The following DHX15 variants were observed in gnomAD, a reference collection of about 807,000 sequenced individuals.
DHX15 encodes the protein ATP-dependent RNA helicase DHX15.
A neutral mutation model predicts 94.4 loss-of-function variants in DHX15; 11 were observed. That is an observed-to-expected ratio of 0.12 (90% confidence interval 0.07 to 0.19). The LOEUF (loss-of-function observed/expected upper bound fraction) is 0.19. DHX15 is among the 10% of genes least tolerant of loss of function. DHX15 has a pLI of 1.00. For synonymous variants in DHX15, 338 were observed against 329.9 expected (o/e 1.02, Z -0.27); for missense variants, 304 against 988.5 (o/e 0.31, Z 9.29).
intron 12 of DHX15, 165 bp from the exon 13 acceptor site, chr4:24,529,935 G>C: frequency 1.4e-6 from 1 of 696,340 alleles, no homozygotes; most frequent in Admixed American, 2.9e-5. Flanking sequence ...ACTGCTGCCT[G>C]TGGGCCAAAT....
intron 2 of DHX15, 23 bp from the exon 3 acceptor site, chr4:24,570,870 A>G: frequency 1.9e-6 from 3 of 1,608,314 alleles, no homozygotes; most frequent in Non-Finnish European, 2.6e-6. Context: ...TTCACATTTA[A>G]ATTAATTCTA....
chr4:24,574,714 A>T (rs1455631919), intron 2 of DHX15, among the ~76,000 whole-genome samples: 1 of 152,198 alleles, frequency 6.6e-6, no homozygotes, highest in African/African-American at 2.4e-5. Flanking sequence ...CTCATCTGTA[A>T]AGTGGTGATG....
intron 13 of DHX15, 152 bp from the exon 14 acceptor site, chr4:24,528,193 C>T: frequency 1.7e-6 from 1 of 576,184 alleles, no homozygotes; most frequent in East Asian, 2.8e-5. Flanking sequence ...CTAATCCTTA[C>T]AAATAGCACT....
At chr4:24,583,384 T>A (rs60187487) in intron 1 of DHX15, among the ~76,000 whole-genome samples, 2 of 151,656 alleles carry the variant, frequency 1.3e-5, no homozygotes, top group Non-Finnish European at 2.9e-5. Context: ...TGTTTCGCCA[T>A]AAATACTAAA....
intron 5 of DHX15, among the ~76,000 whole-genome samples, chr4:24,549,620 A>T (rs900612517): frequency 6.6e-6 from 1 of 152,224 alleles, no homozygotes; most frequent in African/African-American, 2.4e-5. Context: ...GAAATTTGTT[A>T]GGCGATTCTG....
rs555984069 is a variant in DHX15, at chr4:24,572,392, T to A, written c.508-1545A>T. On this transcript the variant is annotated intron_variant, in intron 2 of 13. Coordinates refer to ENST00000336812, the MANE Select transcript of DHX15 (RefSeq NM_001358.3). ...CTCAGGTGATGCACCCGCCTCAGCCTTCCAAAGTGCTGGGATTATAGGCGT... is the reference window on the plus strand; with the variant it reads ...CTCAGGTGATGCACCCGCCTCAGCCATCCAAAGTGCTGGGATTATAGGCGT... Among the ~76,000 whole-genome samples, 4 of 152,340 alleles carry A rather than the reference T, an allele frequency of 2.6e-5. No homozygotes were observed. In the South Asian group the frequency reaches 6.2e-4, roughly 24 times the overall value.
chr4:24,539,831 G>T, intron 10 of DHX15: 1 of 237,298 alleles, frequency 4.2e-6, no homozygotes, highest in East Asian at 8.2e-5. Flanking sequence ...TTTAACCAAA[G>T]AATTCAGTTA....
At chr4:24,558,575 CTTAG>C (rs769238128) in intron 3 of DHX15, among the ~76,000 whole-genome samples, 11 of 152,138 alleles carry the variant, frequency 7.2e-5, no homozygotes, top group Admixed American at 4.6e-4. Flanking sequence ...ATTGCAAGTA[CTTAG>C]TTAAATGGCC....
chr4:24,542,814 A>T, intron 7 of DHX15, 126 bp downstream of exon 7: 1 of 662,728 alleles, frequency 1.5e-6, no homozygotes, highest in Non-Finnish European at 2.6e-6. Context: ...TTCATACAGC[A>T]GAAATTTGCA....
chr4:24,579,265 C>G (rs1018566042), intron 1 of DHX15, among the ~76,000 whole-genome samples: 6 of 152,142 alleles, frequency 3.9e-5, no homozygotes, highest in African/African-American at 1.4e-4. Context: ...GAGGCAAATT[C>G]AGACACCTGG....
At chr4:24,565,693 C>T (rs1201762846) in intron 3 of DHX15, among the ~76,000 whole-genome samples, 1 of 152,164 alleles carries the variant, frequency 6.6e-6, no homozygotes, top group Non-Finnish European at 1.5e-5. Flanking sequence ...TATTGAGTCC[C>T]TCTCTAACTG....
At chr4:24,540,024 TA>T in intron 10 of DHX15, 83 bp downstream of exon 10, 1 of 1,062,110 alleles carries the variant, frequency 9.4e-7, no homozygotes, top group Non-Finnish European at 1.3e-6. Context: ...ACTATCATAC[TA>T]AAAATTAAAA....
chr4:24,580,772 C>T (rs977367986), intron 1 of DHX15: 1 of 152,116 alleles, frequency 6.6e-6, no homozygotes, highest in Non-Finnish European at 1.5e-5. Context: ...TTCGCCTAGG[C>T]CTCCCAAAGT....
In DHX15 at chr4:24,547,899, A is replaced by ATG. The variant is rs1294219807; in HGVS notation, c.1248+954_1248+955dup. On this transcript the variant is annotated intron_variant, in intron 6 of 13. Coordinates refer to ENST00000336812, the MANE Select transcript of DHX15 (RefSeq NM_001358.3). ...TCTCTCTCTCTCTCTCTATGTATGT[A>ATG]TGTGTATATATATATATATATATAT... Among the ~76,000 whole-genome samples the ATG allele has an allele frequency of 9.1e-4, 38 of 41,778 alleles. 1 individual carries two copies. Among genetic ancestry groups the ATG allele is most frequent in the African/African-American group, 2.8e-3 (38 of 13,356 alleles). The allele number at this position is 41,778 out of a possible 152,430, so 27.4% of individuals were successfully genotyped here.
At chr4:24,529,568 A>C in intron 13 of DHX15, 33 bp downstream of exon 13, 1 of 1,605,080 alleles carries the variant, frequency 6.2e-7, no homozygotes, top group East Asian at 2.2e-5. Flanking sequence ...CAAAGTACTA[A>C]CAAAAAACTG....
chr4:24,565,080 C>A (rs930449169), intron 3 of DHX15, among the ~76,000 whole-genome samples: 19 of 152,160 alleles, frequency 1.2e-4, no homozygotes, highest in African/African-American at 4.3e-4. Context: ...CAAATTTTCA[C>A]AAGTTTTAAA....
rs1209610053 is a variant in DHX15 at position 24,548,749 on chromosome 4, A to G, written c.1248+106T>C. ...AATGGATATTATTTTGTTGTATAAA[A>G]CCTAGATCACAATCACCCATAACTT... On this transcript the variant is annotated intron_variant, in intron 6 of 13. Coordinates refer to ENST00000336812, the MANE Select transcript of DHX15 (RefSeq NM_001358.3). 3 of 1,078,474 alleles carry G rather than the reference A, an allele frequency of 2.8e-6. No individual in the cohort carries two copies. In the East Asian group the frequency reaches 7.8e-5, roughly 28 times the overall value. The allele number at this position is 1,078,474 out of a possible 1,614,324, so 66.8% of individuals were successfully genotyped here.
chr4:24,570,668 T>A lies in DHX15; in HGVS notation c.687A>T (p.Ala229=). Residue 229 remains alanine, a synonymous_variant, in exon 3 of 14, where the codon GCA becomes GCT. Coordinates refer to ENST00000336812, the MANE Select transcript of DHX15 (RefSeq NM_001358.3). ...YSIRFEDCSS[A]KTILKYMTDG... is the part of the protein sequence containing the mutation. ...ATAGTACTTACTTAAGAATGGTTTT[T>A]GCACTACTGCAGTCTTCAAATCGAA... is the stretch of plus-strand genomic sequence containing the variant. 1 of 1,614,136 alleles carries A rather than the reference T, an allele frequency of 6.2e-7. No homozygotes were observed. The highest frequency in any genetic ancestry group is 8.5e-7 in the Non-Finnish European group (1 of 1,180,024).
intron 3 of DHX15, among the ~76,000 whole-genome samples, chr4:24,568,250 T>C (rs962458117): frequency 4.6e-5 from 7 of 152,238 alleles, no homozygotes; most frequent in African/African-American, 1.7e-4. Context: ...TATCTATATA[T>C]GATAAGAGCT....
Sources: allele counts gnomAD v4.1 joint callset (sites outside exome capture counted in the v4.1 genomes callset), GRCh38; gene constraint gnomAD v4.1.1; transcripts MANE v1.5; gene names NCBI Gene and HGNC (gene_info 2026-07-23, HGNC 2026-07-21).